The following CAMTA1 variants were observed in gnomAD, a reference collection of about 807,000 sequenced individuals.
The protein encoded by CAMTA1 is calmodulin binding transcription activator 1.
Under a neutral mutation model 170.9 loss-of-function variants are expected in CAMTA1, and 27 were observed. The ratio of observed to expected loss-of-function variants is 0.16; its 90% CI spans 0.12 to 0.22. CAMTA1 has a LOEUF of 0.22. Ranked by LOEUF, CAMTA1 falls within the 10% of genes least tolerant of loss-of-function variation. The pLI, the probability that CAMTA1 is intolerant of heterozygous loss-of-function variation, is 1.00. For synonymous variants in CAMTA1, 833 were observed against 891.5 expected, an observed-to-expected ratio of 0.93 and a Z score of 1.17; for missense variants, 1,619 against 2,217.2, an observed-to-expected ratio of 0.73 and a Z score of 5.42.
intron 6 of CAMTA1, among the ~76,000 whole-genome samples, chr1:7,605,936 A>G (rs530434511): frequency 9.2e-4 from 140 of 152,334 alleles, no homozygotes; most frequent in African/African-American, 3.3e-3. Context: ...GAGGGACAAC[A>G]AAGTGCTCTC....
chr1:7,366,132 A>G (rs1369605726), intron 5 of CAMTA1, among the ~76,000 whole-genome samples: 1 of 152,180 alleles, frequency 6.6e-6, no homozygotes, highest in Non-Finnish European at 1.5e-5. Context: ...TATTTGTCAA[A>G]TGGATGGTGG....
chr1:7,228,361 G>T lies in CAMTA1; in HGVS notation c.303-21130G>T, dbSNP rs573440572. ...CTCACGCCTGTAATCCCAGCACTTT[G>T]GGGGGCCGAGGCGGGCAGGTTCATG... is the stretch of plus-strand genomic sequence containing the variant. On this transcript the variant is annotated intron_variant, in intron 4 of 22. Coordinates refer to ENST00000303635, the MANE Select transcript of CAMTA1 (RefSeq NM_015215.4). 5.8e-4 allele frequency among the ~76,000 whole-genome samples: 89 copies of T among 152,320 alleles called. 2 individuals carry two copies. In the Middle Eastern group the frequency reaches 0.041, roughly 70 times the overall value.
intron 6 of CAMTA1, among the ~76,000 whole-genome samples, chr1:7,620,619 G>C (rs561482163): frequency 6.6e-6 from 1 of 152,284 alleles, no homozygotes; most frequent in South Asian, 2.1e-4. Flanking sequence ...TCAGCATTTG[G>C]AGAGCAGGGC....
intron 7 of CAMTA1, among the ~76,000 whole-genome samples, chr1:7,659,337 C>T (rs912265872): frequency 6.6e-6 from 1 of 152,134 alleles, no homozygotes; most frequent in Non-Finnish European, 1.5e-5. Flanking sequence ...AGTTCAAGAC[C>T]AGCCTGGCCA....
At chr1:7,363,863 GC>G (rs1401030016) in intron 5 of CAMTA1, among the ~76,000 whole-genome samples, 1 of 152,128 alleles carries the variant, frequency 6.6e-6, no homozygotes, top group Non-Finnish European at 1.5e-5. Context: ...CACCCTGGTA[GC>G]CCCCCTCAAA....
chr1:7,737,035 C>T, intron 14 of CAMTA1, 26 bp downstream of exon 14: 2 of 1,557,616 alleles, frequency 1.3e-6, no homozygotes, highest in East Asian at 2.2e-5. Flanking sequence ...CTGTAGCCCC[C>T]CCTTGCTGTT....
intron 5 of CAMTA1, among the ~76,000 whole-genome samples, chr1:7,370,914 C>CTTTTTTTTTTTTTTTTTTTTTTT (rs61387662): frequency 2.7e-5 from 3 of 110,010 alleles, no homozygotes; most frequent in Non-Finnish European, 5.1e-5. Flanking sequence ...TTCTTTCTTT[C>CTTTTTTTTTTTTTTTTTTTTTTT]TTTTTTTTTT....
chr1:6,815,834 A>C (rs1645743861), intron 1 of CAMTA1, among the ~76,000 whole-genome samples: 3 of 152,154 alleles, frequency 2.0e-5, no homozygotes. Context: ...CAGACCTGTG[A>C]ATCAGAACTT....
At chr1:6,799,479 T>C (rs1643393219) in intron 1 of CAMTA1, among the ~76,000 whole-genome samples, 1 of 152,234 alleles carries the variant, frequency 6.6e-6, no homozygotes, top group Non-Finnish European at 1.5e-5. Context: ...GCTAGAAGCC[T>C]TTCTCTCCAT....
rs971710728 is a variant in CAMTA1, at chr1:7,234,149, G to A, written c.303-15342G>A. ...CCTGGTTCAGGAGCCCAGATTACTT[G>A]GGGTGAGCCGCTCTCTCGCCCCGTC... On this transcript the variant is annotated intron_variant, in intron 4 of 22. Transcript: ENST00000303635. This position sits in a 1 kb window ranked among gnomAD's most constrained non-coding sequence, Gnocchi z 5.0. 1.3e-5 allele frequency among the ~76,000 whole-genome samples: 2 copies of A among 152,104 alleles called. No individual in the cohort carries two copies. Among genetic ancestry groups the A allele is most frequent in the Non-Finnish European group, 2.9e-5 (2 of 68,024 alleles).
At chr1:7,490,260 A>G (rs1034866315) in intron 6 of CAMTA1, among the ~76,000 whole-genome samples, 1 of 152,234 alleles carries the variant, frequency 6.6e-6, no homozygotes, top group Admixed American at 6.5e-5. Context: ...TGTGCTTTCC[A>G]TAAGAGATGC....
intron 8 of CAMTA1, among the ~76,000 whole-genome samples, chr1:7,662,280 T>G (rs540950869): frequency 2.2e-4 from 34 of 152,356 alleles, no homozygotes; most frequent in African/African-American, 7.9e-4. Context: ...GCAACCTCTT[T>G]CTTTAACCTC....
intron 3 of CAMTA1, among the ~76,000 whole-genome samples, chr1:6,907,282 G>A (rs1259141502): frequency 6.6e-6 from 1 of 152,120 alleles, no homozygotes; most frequent in Admixed American, 6.5e-5. Flanking sequence ...ATGGATGGAG[G>A]GACATAGTCC....
At chr1:6,785,791 C>T (rs1639051662) in intron 1 of CAMTA1, among the ~76,000 whole-genome samples, 2 of 135,500 alleles carry the variant, frequency 1.5e-5, no homozygotes, top group African/African-American at 2.7e-5. Flanking sequence ...GCGCGGCGCC[C>T]CACACCCCAC....
At chr1:7,235,879 G>A (rs1415057299) in intron 4 of CAMTA1, among the ~76,000 whole-genome samples, 2 of 152,172 alleles carry the variant, frequency 1.3e-5, no homozygotes, top group African/African-American at 2.4e-5. Flanking sequence ...GCCCAAGAAG[G>A]AGCTAATCAA....
chr1:6,969,497 G>T (rs1210943758), intron 3 of CAMTA1, among the ~76,000 whole-genome samples: 1 of 152,188 alleles, frequency 6.6e-6, no homozygotes, highest in Non-Finnish European at 1.5e-5. Context: ...GGGCGGTGAG[G>T]AGGGCCCAGA....
intron 3 of CAMTA1, among the ~76,000 whole-genome samples, chr1:6,895,485 A>G (rs751051765): frequency 5.3e-5 from 8 of 152,230 alleles, no homozygotes; most frequent in Non-Finnish European, 7.3e-5. Context: ...CCCATGCACT[A>G]GCCAGGGCAA....
intron 4 of CAMTA1, among the ~76,000 whole-genome samples, chr1:7,209,137 A>G (rs1210548690): frequency 6.6e-6 from 1 of 152,102 alleles, no homozygotes; most frequent in Non-Finnish European, 1.5e-5. Context: ...CTTGTCCTTA[A>G]TAATTGCTTT....
chr1:7,560,193 C>T (rs1022632419), intron 6 of CAMTA1, among the ~76,000 whole-genome samples: 1 of 152,210 alleles, frequency 6.6e-6, no homozygotes, highest in Non-Finnish European at 1.5e-5. Context: ...AGCAGGGCCC[C>T]CTGGCACCTG....
Sources: allele counts gnomAD v4.1 joint callset (sites outside exome capture counted in the v4.1 genomes callset), GRCh38; gene constraint gnomAD v4.1.1; non-coding constraint Gnocchi (gnomAD v3.1); transcripts MANE v1.5; gene names NCBI Gene and HGNC (gene_info 2026-07-23, HGNC 2026-07-21).